Variants in DDHD1 observed in about 807,000 individuals in gnomAD.
DDHD1 encodes phospholipase DDHD1.
A neutral mutation model predicts 96.4 loss-of-function variants in DDHD1; 49 were observed. That is an observed-to-expected ratio of 0.51 (90% CI 0.40 to 0.64). The LOEUF (loss-of-function observed/expected upper bound fraction) is 0.64. DDHD1 is among the 30% of genes least tolerant of loss of function. The pLI is 0.00. For missense variants in DDHD1, 1,106 were observed against 1,161.2 expected, an observed-to-expected ratio of 0.95 and a Z score of 0.69; for synonymous variants, 442 against 446.5, an observed-to-expected ratio of 0.99 and a Z score of 0.13.
chr14:53,117,422 A>C (rs930956412), intron 1 of DDHD1, among the ~76,000 whole-genome samples: 1 of 152,092 alleles, frequency 6.6e-6, no homozygotes, highest in African/African-American at 2.4e-5. Context: ...GTACCTGGAG[A>C]AATGGTACAC....
In DDHD1 at chr14:53,041,492, TG is replaced by T. The variant is rs1881646351; in HGVS notation, c.*5275del. 1 of 152,208 alleles carries T rather than the reference TG, an allele frequency of 6.6e-6. No homozygotes were observed. Among genetic ancestry groups the T allele is most frequent in the South Asian group, 2.1e-4 (1 of 4,828 alleles). 9.4% of individuals were successfully genotyped at this position (152,208 alleles called of 1,614,324 possible). ...AATTTTAAATTTCTGAGTTAACCTA[TG>T]TTGGAACAGTTTTGGAGGTGACCTA... is the stretch of plus-strand genomic sequence containing the variant. On this transcript the variant is annotated 3_prime_UTR_variant, in exon 13 of 13. Coordinates refer to ENST00000673822, the MANE Select transcript of DDHD1 (RefSeq NM_001160148.2).
chr14:53,090,987 T>G (rs1886386633), intron 4 of DDHD1, among the ~76,000 whole-genome samples: 1 of 152,218 alleles, frequency 6.6e-6, no homozygotes, highest in Non-Finnish European at 1.5e-5. Context: ...GAGGTGTTGC[T>G]GAGGACATAC....
chr14:53,152,544 G>A lies in DDHD1; in HGVS notation c.555C>T (p.Tyr185=). ...DKKTWKPFIG[Y]DSLRIELAFR... ...AGGCGAGCTCGATGCGGAGCGAGTCGTAGCCGATGAAGGGCTTCCAGGTCT... is the reference window on the plus strand; with the variant it reads ...AGGCGAGCTCGATGCGGAGCGAGTCATAGCCGATGAAGGGCTTCCAGGTCT... Residue 185 remains tyrosine (Y), a synonymous_variant, in exon 1 of 13, where the codon TAC becomes TAT. Coordinates refer to ENST00000673822, the MANE Select transcript of DDHD1 (RefSeq NM_001160148.2). The A allele has an allele frequency of 6.2e-7, 1 of 1,613,262 alleles. No homozygotes were observed.
At chr14:53,078,638 T>A (rs1187552031) in intron 4 of DDHD1, among the ~76,000 whole-genome samples, 1 of 152,190 alleles carries the variant, frequency 6.6e-6, no homozygotes, top group Non-Finnish European at 1.5e-5. Flanking sequence ...TATAATGTCA[T>A]GTCATTTGCA....
intron 4 of DDHD1, among the ~76,000 whole-genome samples, chr14:53,090,874 A>T (rs529540005): frequency 1.4e-4 from 22 of 152,120 alleles, no homozygotes; most frequent in Non-Finnish European, 2.2e-4. Flanking sequence ...AGTATAATAA[A>T]AAAAAAAAAG....
chr14:53,086,168 C>T (rs1392165041), intron 4 of DDHD1, among the ~76,000 whole-genome samples: 3 of 152,156 alleles, frequency 2.0e-5, no homozygotes, highest in East Asian at 3.8e-4. Flanking sequence ...ACCAAATCTA[C>T]GTCTGACTGG....
At chr14:53,081,513 A>G (rs903997658) in intron 4 of DDHD1, among the ~76,000 whole-genome samples, 1 of 152,208 alleles carries the variant, frequency 6.6e-6, no homozygotes, top group Non-Finnish European at 1.5e-5. Flanking sequence ...TTCGAGGGAC[A>G]CTTGGCAATG....
intron 1 of DDHD1, among the ~76,000 whole-genome samples, chr14:53,151,322 A>G (rs914964690): frequency 3.9e-5 from 6 of 152,238 alleles, no homozygotes; most frequent in African/African-American, 1.4e-4. Flanking sequence ...TGTATATTAC[A>G]TATTATAATA....
intron 5 of DDHD1, 85 bp from the exon 6 acceptor site, chr14:53,072,788 G>A: frequency 1.4e-6 from 1 of 737,298 alleles, no homozygotes; most frequent in South Asian, 2.4e-5. Context: ...TACGTTGCCT[G>A]AAATAGTAAC....
intron 6 of DDHD1, among the ~76,000 whole-genome samples, chr14:53,065,660 A>G (rs1403744608): frequency 6.6e-6 from 1 of 152,196 alleles, no homozygotes. Flanking sequence ...TTCTCCCATG[A>G]GCATGTAAGA....
chr14:53,081,626 A>G (rs533591322), intron 4 of DDHD1, among the ~76,000 whole-genome samples: 14 of 152,346 alleles, frequency 9.2e-5, no homozygotes, highest in African/African-American at 3.1e-4. Context: ...GCCAGCCATC[A>G]TAACAAAAAA....
rs989138503 is a variant in DDHD1 at position 53,049,359 on chromosome 14, T to C, written c.2522-2410A>G. ...CTGAAAAGGTTTACCCCAGGCAGTC[T>C]GGCTATCAGTGCAGTGGACCTCACA... On this transcript the variant is annotated intron_variant, in intron 12 of 12. Coordinates refer to ENST00000673822, the MANE Select transcript of DDHD1 (RefSeq NM_001160148.2). 2.0e-5 allele frequency among the ~76,000 whole-genome samples: 3 copies of C among 152,220 alleles called. No individual in the cohort carries two copies. In the East Asian group the frequency reaches 5.8e-4, roughly 29 times the overall value.
intron 6 of DDHD1, among the ~76,000 whole-genome samples, chr14:53,067,656 C>T (rs1884155398): frequency 6.6e-6 from 1 of 152,160 alleles, no homozygotes. Flanking sequence ...AGAGTTTCTC[C>T]ACGTTGGTTA....
intron 11 of DDHD1, chr14:53,054,092 C>T (rs1250412352): frequency 4.9e-5 from 9 of 184,320 alleles, no homozygotes; most frequent in South Asian, 1.6e-4. Context: ...AATAATTACA[C>T]GATTTTTGAG....
At chr14:53,072,315 G>C (rs1423761776) in intron 6 of DDHD1, among the ~76,000 whole-genome samples, 1 of 151,994 alleles carries the variant, frequency 6.6e-6, no homozygotes, top group Non-Finnish European at 1.5e-5. Context: ...AAACTCTTTT[G>C]TGAAGACAAC....
At position 53,152,415 on chromosome 14, in the gene DDHD1, ATCT is replaced by A. The variant is rs1891475992; in HGVS notation, c.681_683del (p.Glu227del). On this transcript the variant is annotated inframe_deletion, in exon 1 of 13. Transcript: ENST00000673822. ...AGCCGCAGGCGCGGTCCTCATCGTC[ATCT>A]TCTCCGGAACTGGAGGCTGGGCCCG... 1.2e-6 allele frequency: 2 copies of A among 1,613,644 alleles called. No individual in the cohort carries two copies. The highest frequency in any genetic ancestry group is 2.7e-5 in the African/African-American group (2 of 74,896).
intron 6 of DDHD1, among the ~76,000 whole-genome samples, chr14:53,064,686 C>T (rs1883871984): frequency 6.6e-6 from 1 of 152,086 alleles, no homozygotes; most frequent in Non-Finnish European, 1.5e-5. Flanking sequence ...TAATTATACA[C>T]TTGAAGAGAA....
At chr14:53,127,708 G>C (rs1249057689) in intron 1 of DDHD1, among the ~76,000 whole-genome samples, 11 of 152,176 alleles carry the variant, frequency 7.2e-5, no homozygotes. Context: ...TACATACTAA[G>C]ACCTGAAGGT....
chr14:53,122,048 C>T (rs1361398301), intron 1 of DDHD1, among the ~76,000 whole-genome samples: 1 of 152,098 alleles, frequency 6.6e-6, no homozygotes, highest in Non-Finnish European at 1.5e-5. Context: ...TCTCTCTTGC[C>T]AGCTGGTCCA....
Sources: allele counts gnomAD v4.1 joint callset (sites outside exome capture counted in the v4.1 genomes callset), GRCh38; gene constraint gnomAD v4.1.1; transcripts MANE v1.5; gene names NCBI Gene and HGNC (gene_info 2026-07-23, HGNC 2026-07-21).